Variants in AGBL4 observed in about 807,000 individuals in gnomAD.
AGBL4 encodes the protein AGBL carboxypeptidase 4.
In AGBL4, 58 loss-of-function variants were observed where a neutral mutation model predicts 66.4. The ratio of observed to expected loss-of-function variants is 0.87; its 90% CI spans 0.71 to 1.09. AGBL4 has a LOEUF of 1.09. Ranked by LOEUF, AGBL4 falls within the 50% of genes least tolerant of loss-of-function variation. The probability of loss-of-function intolerance (pLI) is 0.00; values close to 1 mark genes in which losing one functional copy is unlikely to be tolerated. For synonymous variants in AGBL4, 234 were observed against 222.9 expected, an observed-to-expected ratio of 1.05 and a Z score of -0.44; for missense variants, 579 against 631.0, an observed-to-expected ratio of 0.92 and a Z score of 0.88.
chr1:49,697,271 T>G lies in AGBL4; in HGVS notation c.282+42A>C, dbSNP rs1427184854. 5 of 1,509,418 alleles carry G rather than the reference T, an allele frequency of 3.3e-6. No homozygotes were observed. In the South Asian group the frequency reaches 6.2e-5, roughly 19 times the overall value. 93.5% of individuals were successfully genotyped at this position (1,509,418 alleles called of 1,614,324 possible). A position where few individuals can be genotyped will look rare whatever the true frequency, so the allele number is the denominator to read the frequency against. ...CTAAAAGAAGACAAAAGCATATTAT[T>G]CTTACCAAAACCACTCTGAAGGTAT... On this transcript the variant is annotated intron_variant, in intron 3 of 13. Coordinates refer to ENST00000371839, the MANE Select transcript of AGBL4 (RefSeq NM_032785.4).
intron 6 of AGBL4, among the ~76,000 whole-genome samples, chr1:48,726,601 T>C (rs371816169): frequency 5.9e-5 from 9 of 152,182 alleles, no homozygotes; most frequent in African/African-American, 2.2e-4. Flanking sequence ...TCCTCCTTAT[T>C]ACTGATAAGA....
At chr1:50,003,858 T>C (rs1660941822) in intron 1 of AGBL4, among the ~76,000 whole-genome samples, 1 of 152,156 alleles carries the variant, frequency 6.6e-6, no homozygotes, top group Non-Finnish European at 1.5e-5. Context: ...AAAAGAAAGT[T>C]CTTGGGTGGA....
intron 4 of AGBL4, among the ~76,000 whole-genome samples, chr1:49,124,129 G>A (rs1359958908): frequency 6.6e-6 from 1 of 152,108 alleles, no homozygotes; most frequent in Non-Finnish European, 1.5e-5. Flanking sequence ...ACTTCAAAGA[G>A]TCTACGGCAA....
chr1:48,905,612 T>G (rs981049868), intron 5 of AGBL4, among the ~76,000 whole-genome samples: 5 of 152,182 alleles, frequency 3.3e-5, no homozygotes, highest in African/African-American at 1.2e-4. Context: ...TTGAAGTAAG[T>G]GTTAGTGTTA....
intron 3 of AGBL4, among the ~76,000 whole-genome samples, chr1:49,652,679 G>C (rs1039514149): frequency 6.6e-6 from 1 of 152,168 alleles, no homozygotes; most frequent in African/African-American, 2.4e-5. Context: ...ATTTGGACAA[G>C]GAGCAATTCC....
chr1:48,792,594 A>G (rs1198281151), intron 6 of AGBL4, among the ~76,000 whole-genome samples: 1 of 152,150 alleles, frequency 6.6e-6, no homozygotes, highest in East Asian at 1.9e-4. Context: ...AGTTTGTCCA[A>G]GAAAAAGACA....
chr1:48,788,576 AAC>A (rs1645463359), intron 6 of AGBL4, among the ~76,000 whole-genome samples: 2 of 152,350 alleles, frequency 1.3e-5, no homozygotes, highest in South Asian at 4.1e-4. Flanking sequence ...AGAATTGTGA[AAC>A]ACAGTGTTCT....
At chr1:49,869,530 T>A (rs1646787060) in intron 1 of AGBL4, among the ~76,000 whole-genome samples, 2 of 152,008 alleles carry the variant, frequency 1.3e-5, no homozygotes. Context: ...CACTTACAAG[T>A]GGAAGCTGAA....
chr1:49,855,248 A>G (rs530457583), intron 1 of AGBL4, among the ~76,000 whole-genome samples: 2 of 152,178 alleles, frequency 1.3e-5, no homozygotes, highest in Non-Finnish European at 2.9e-5. Flanking sequence ...CAACACCAGA[A>G]CATCCAGATA....
At chr1:49,646,227 A>C (rs1159211986) in intron 3 of AGBL4, among the ~76,000 whole-genome samples, 4 of 151,906 alleles carry the variant, frequency 2.6e-5, no homozygotes, top group Non-Finnish European at 5.9e-5. Context: ...GAAAAGAATA[A>C]AATAAATTAA....
At chr1:48,916,606 A>G (rs1653607133) in intron 5 of AGBL4, among the ~76,000 whole-genome samples, 1 of 152,154 alleles carries the variant, frequency 6.6e-6, no homozygotes, top group African/African-American at 2.4e-5. Context: ...GTTCAAAAAA[A>G]CCTGTGACTG....
At chr1:49,669,782 CAG>C (rs1646441107) in intron 3 of AGBL4, among the ~76,000 whole-genome samples, 1 of 151,980 alleles carries the variant, frequency 6.6e-6, no homozygotes, top group African/African-American at 2.4e-5. Context: ...GGTATGTAAA[CAG>C]AGTTTCAAAA....
At chr1:49,597,212 T>C (rs1251806120) in intron 3 of AGBL4, among the ~76,000 whole-genome samples, 1 of 152,212 alleles carries the variant, frequency 6.6e-6, no homozygotes, top group Non-Finnish European at 1.5e-5. Context: ...GTAGTGCTCT[T>C]AACTTCATCC....
intron 9 of AGBL4, among the ~76,000 whole-genome samples, chr1:48,597,427 T>C (rs781535577): frequency 6.6e-6 from 1 of 151,972 alleles, no homozygotes; most frequent in Non-Finnish European, 1.5e-5. Context: ...AGAAATGCAC[T>C]AGGATAAATA....
At chr1:48,763,261 T>G (rs556541246) in intron 6 of AGBL4, among the ~76,000 whole-genome samples, 1 of 152,344 alleles carries the variant, frequency 6.6e-6, no homozygotes, top group Non-Finnish European at 1.5e-5. Flanking sequence ...CTTGGGTTCC[T>G]ATTTTCACAA....
intron 3 of AGBL4, among the ~76,000 whole-genome samples, chr1:49,555,473 G>C (rs1653357032): frequency 6.6e-6 from 1 of 150,716 alleles, no homozygotes; most frequent in African/African-American, 2.4e-5. Context: ...GACATACAGT[G>C]CTGATGGGTG....
At chr1:49,299,818 T>G (rs1414207548) in intron 3 of AGBL4, among the ~76,000 whole-genome samples, 1 of 152,168 alleles carries the variant, frequency 6.6e-6, no homozygotes, top group South Asian at 2.1e-4. Flanking sequence ...TTTCTTTCTA[T>G]TCCTAGTTTT....
chr1:49,220,432 G>T (rs531018615), intron 4 of AGBL4, among the ~76,000 whole-genome samples: 1 of 152,100 alleles, frequency 6.6e-6, no homozygotes, highest in Non-Finnish European at 1.5e-5. Flanking sequence ...TGAGATTCAC[G>T]TTCTTCCTTG....
intron 1 of AGBL4, among the ~76,000 whole-genome samples, chr1:49,874,178 C>T (rs779417517): frequency 6.6e-6 from 1 of 151,910 alleles, no homozygotes; most frequent in Non-Finnish European, 1.5e-5. Context: ...AAAAAATGAA[C>T]CTTATCCTGT....
Sources: gnomAD v4.1 joint callset for allele counts (sites outside exome capture counted in the v4.1 genomes callset) on GRCh38, gnomAD v4.1.1 for gene constraint, MANE v1.5 for transcripts, NCBI Gene and HGNC (gene_info 2026-07-23, HGNC 2026-07-21) for gene names.